The following CSMD2 variants were observed in gnomAD, a reference collection of about 807,000 sequenced individuals.
CSMD2 encodes CUB and sushi domain-containing protein 2.
CSMD2 carries 130 observed loss-of-function variants against 398.5 expected under a neutral mutation model. The observed-to-expected ratio is 0.33, with a 90% CI of 0.28 to 0.38. CSMD2 has a LOEUF of 0.38. Ranked by LOEUF, CSMD2 falls within the 10% of genes least tolerant of loss-of-function variation. CSMD2 has a pLI of 1.00. For missense variants in CSMD2, 3,829 were observed against 4,764.9 expected (o/e 0.80, Z 5.78); for synonymous variants, 1,828 against 1,908.5 (o/e 0.96, Z 1.10).
intron 1 of CSMD2, among the ~76,000 whole-genome samples, chr1:34,090,101 C>T (rs762519291): frequency 1.8e-4 from 28 of 152,180 alleles, no homozygotes; most frequent in Non-Finnish European, 2.4e-4. Context: ...CTCAGTGCCT[C>T]TGACTGCTCT....
chr1:33,699,557 G>A (rs1481674606), intron 23 of CSMD2, among the ~76,000 whole-genome samples: 2 of 152,174 alleles, frequency 1.3e-5, no homozygotes, highest in African/African-American at 4.8e-5. Context: ...GAATTCAAAG[G>A]TGTCTCTAAT....
chr1:33,905,949 T>C (rs1255041745), intron 5 of CSMD2, among the ~76,000 whole-genome samples: 1 of 152,198 alleles, frequency 6.6e-6, no homozygotes, highest in African/African-American at 2.4e-5. Flanking sequence ...GAGTTGGAAA[T>C]TATGTATAGC....
chr1:33,672,496 C>T (rs886801760), intron 25 of CSMD2, among the ~76,000 whole-genome samples: 1 of 152,210 alleles, frequency 6.6e-6, no homozygotes, highest in Non-Finnish European at 1.5e-5. Context: ...CACCACAGCT[C>T]AAGGAGCCCT....
Position 33,894,573 on chromosome 1 carries a change from G to T in CSMD2, c.920+23521C>A, listed in dbSNP as rs550301739. Among the ~76,000 whole-genome samples the T allele has an allele frequency of 2.6e-5, 4 of 152,266 alleles. No homozygotes were observed. In the East Asian group the frequency reaches 7.7e-4, roughly 29 times the overall value. On this transcript the variant is annotated intron_variant, in intron 5 of 70. Transcript: ENST00000373381. ...TGGGTTTCCTAGAGTGTCCCTGTGG[G>T]ATTATGGCCCAGACCCCCATTGTGG...
At chr1:33,762,034 G>C (rs1388930415) in intron 13 of CSMD2, among the ~76,000 whole-genome samples, 1 of 152,200 alleles carries the variant, frequency 6.6e-6, no homozygotes, top group African/African-American at 2.4e-5. Context: ...CAACACAAGA[G>C]GGGGTAACCC....
At chr1:33,759,628 A>G (rs1176818351) in intron 13 of CSMD2, among the ~76,000 whole-genome samples, 5 of 152,004 alleles carry the variant, frequency 3.3e-5, no homozygotes, top group African/African-American at 1.2e-4. Flanking sequence ...CCCAGCCCAG[A>G]GCTTGAGTTT....
chr1:33,743,657 G>A, intron 13 of CSMD2, 51 bp from the exon 14 acceptor site: 1 of 1,316,714 alleles, frequency 7.6e-7, no homozygotes, highest in Non-Finnish European at 1.1e-6. Context: ...CATTCTGCCT[G>A]CACCACTGAG....
At chr1:33,968,488 T>A (rs1645640846) in intron 3 of CSMD2, among the ~76,000 whole-genome samples, 1 of 152,224 alleles carries the variant, frequency 6.6e-6, no homozygotes, top group South Asian at 2.1e-4. Flanking sequence ...TAAGACTCTG[T>A]CTTAGCAGAT....
intron 55 of CSMD2, among the ~76,000 whole-genome samples, chr1:33,551,830 T>C (rs1015715190): frequency 2.6e-5 from 4 of 152,220 alleles, no homozygotes; most frequent in African/African-American, 9.6e-5. Flanking sequence ...GGTTACATCC[T>C]AAGAGGCTTG....
At chr1:33,535,705 C>G (rs561710403) in intron 62 of CSMD2, among the ~76,000 whole-genome samples, 1 of 152,208 alleles carries the variant, frequency 6.6e-6, no homozygotes, top group Non-Finnish European at 1.5e-5. Flanking sequence ...TATCCTCCCT[C>G]ACGGGGCTGC....
intron 3 of CSMD2, among the ~76,000 whole-genome samples, chr1:34,023,034 C>T (rs995254754): frequency 1.8e-4 from 28 of 152,038 alleles, no homozygotes; most frequent in African/African-American, 5.8e-4. Context: ...TGGAGTTTTG[C>T]TATGTTACCC....
At chr1:34,149,947 G>A (rs1486946212) in intron 1 of CSMD2, among the ~76,000 whole-genome samples, 1 of 152,180 alleles carries the variant, frequency 6.6e-6, no homozygotes. Context: ...ATTCCTGAGT[G>A]GGGTTAAGAC....
rs779844722 is a variant in CSMD2 at position 33,537,620 on chromosome 1, G to A, written c.9632-11C>T. 27 of 1,605,758 alleles carry A rather than the reference G, an allele frequency of 1.7e-5. No homozygotes were observed. The highest frequency in any genetic ancestry group is 2.0e-5 in the Non-Finnish European group (24 of 1,175,354). The stretch of plus-strand genomic sequence containing the variant: ...CCCCGCAGAACACAGCTGGGAAGAC[G>A]AAGGGAGAAAGGCAGGTCTAAGTTG... On this transcript the variant is annotated splice_polypyrimidine_tract_variant and intron_variant, in intron 60 of 70. Coordinates refer to ENST00000373381, the MANE Select transcript of CSMD2 (RefSeq NM_001281956.2). This position sits in a 1 kb window ranked among gnomAD's most constrained non-coding sequence, Gnocchi z 4.6.
chr1:33,848,497 G>C (rs1638449859), intron 5 of CSMD2, among the ~76,000 whole-genome samples: 1 of 152,174 alleles, frequency 6.6e-6, no homozygotes, highest in Non-Finnish European at 1.5e-5. Context: ...CCTTAGGTAA[G>C]TATTCTCAGG....
chr1:33,651,485 G>A (rs556182516), intron 28 of CSMD2, among the ~76,000 whole-genome samples: 1 of 152,278 alleles, frequency 6.6e-6, no homozygotes, highest in South Asian at 2.1e-4. Flanking sequence ...GCAGCAGAAT[G>A]GAGTCTTCCA....
At chr1:33,813,608 G>A (rs1657104404) in intron 9 of CSMD2, among the ~76,000 whole-genome samples, 1 of 147,618 alleles carries the variant, frequency 6.8e-6, no homozygotes, top group Admixed American at 6.6e-5. Flanking sequence ...TTTTTCCTCT[G>A]GACATTATCA....
At chr1:34,139,500 G>T (rs1351563595) in intron 1 of CSMD2, among the ~76,000 whole-genome samples, 1 of 152,150 alleles carries the variant, frequency 6.6e-6, no homozygotes, top group Non-Finnish European at 1.5e-5. Flanking sequence ...GAATTTTGTG[G>T]TTATTCTATT....
chr1:33,521,340 A>G, intron 68 of CSMD2, 123 bp downstream of exon 68: 2 of 704,462 alleles, frequency 2.8e-6, no homozygotes, highest in Non-Finnish European at 5.2e-6. Flanking sequence ...CCTGATCCCA[A>G]AGAGGCCAAA....
chr1:33,540,846 G>T, intron 59 of CSMD2, 148 bp from the exon 60 acceptor site: 1 of 902,930 alleles, frequency 1.1e-6, no homozygotes, highest in Non-Finnish European at 1.7e-6. Context: ...TACTGTGGGA[G>T]TTCTGATCTT....
Sources: gnomAD v4.1 joint callset for allele counts (sites outside exome capture counted in the v4.1 genomes callset) on GRCh38, gnomAD v4.1.1 for gene constraint, Gnocchi (gnomAD v3.1) non-coding constraint, MANE v1.5 for transcripts, NCBI Gene and HGNC (gene_info 2026-07-23, HGNC 2026-07-21) for gene names.